RASSF3: variants seen among roughly 807,000 people sequenced by gnomAD.
RASSF3 encodes Ras association domain family member 3, also known as ras association domain-containing protein 3.
Under a neutral mutation model 19.9 loss-of-function variants are expected in RASSF3, and 19 were observed. The ratio of observed to expected loss-of-function variants is 0.96; its 90% confidence interval spans 0.67 to 1.40. The LOEUF is 1.40. Ranked by LOEUF, RASSF3 falls within the 40% of genes most tolerant of loss-of-function variation. The probability of loss-of-function intolerance (pLI) is 0.00; values close to 1 mark genes in which losing one functional copy is unlikely to be tolerated. For missense variants in RASSF3, 306 were observed against 289.8 expected (o/e 1.06, Z -0.41); for synonymous variants, 110 against 104.2 (o/e 1.06, Z -0.34).
At chr12:64,682,459 C>T (rs901769983) in intron 1 of RASSF3, among the ~76,000 whole-genome samples, 1 of 151,280 alleles carries the variant, frequency 6.6e-6, no homozygotes, top group East Asian at 2.0e-4. Flanking sequence ...CCCAGCTACT[C>T]GGGAGGCTGA....
intron 1 of RASSF3, among the ~76,000 whole-genome samples, chr12:64,638,132 G>C (rs1871386483): frequency 6.6e-6 from 1 of 152,014 alleles, no homozygotes. Context: ...CCCCGGCCTA[G>C]TTATCATATA....
chr12:64,549,316 T>C (rs967112501), intron 2 of RASSF3, among the ~76,000 whole-genome samples: 2 of 152,126 alleles, frequency 1.3e-5, no homozygotes, highest in African/African-American at 2.4e-5. Context: ...CTGGACAACA[T>C]AGTGAGACCC....
intron 3 of RASSF3, among the ~76,000 whole-genome samples, chr12:64,689,979 C>T (rs138572504): frequency 0.01 from 1,529 of 151,058 alleles, 38 homozygotes; most frequent in African/African-American, 0.035. Context: ...TTAGTAGAGA[C>T]GGGATTTCAC....
At chr12:64,514,672 C>T (rs913553952) in intron 1 of RASSF3, among the ~76,000 whole-genome samples, 1 of 152,088 alleles carries the variant, frequency 6.6e-6, no homozygotes, top group African/African-American at 2.4e-5. Context: ...TTTTTTGTGT[C>T]AGAGTGACTT....
chr12:64,529,172 C>T (rs1382759748), upstream of RASSF3, among the ~76,000 whole-genome samples: 1 of 152,148 alleles, frequency 6.6e-6, no homozygotes, highest in African/African-American at 2.4e-5. Flanking sequence ...ATACTTAGAC[C>T]TTAAATGTCT....
At chr12:64,661,633 C>T (rs1187850244) in intron 1 of RASSF3, among the ~76,000 whole-genome samples, 2 of 151,162 alleles carry the variant, frequency 1.3e-5, no homozygotes, top group African/African-American at 2.4e-5. Context: ...TGTTTAAGTG[C>T]AGCCTGGGTA....
At chr12:64,529,710 T>C (rs1868664943), upstream of RASSF3, among the ~76,000 whole-genome samples, 1 of 152,230 alleles carries the variant, frequency 6.6e-6, no homozygotes, top group Non-Finnish European at 1.5e-5. Context: ...AATTCCCTTA[T>C]TGGCCTATCT....
chr12:64,657,774 T>G (rs543963063), intron 1 of RASSF3, among the ~76,000 whole-genome samples: 1 of 152,358 alleles, frequency 6.6e-6, no homozygotes, highest in East Asian at 1.9e-4. Flanking sequence ...TACATTTGCT[T>G]GAAAAATATT....
intron 1 of RASSF3, among the ~76,000 whole-genome samples, chr12:64,520,284 T>C (rs1868444247): frequency 6.6e-6 from 1 of 151,280 alleles, no homozygotes; most frequent in South Asian, 2.1e-4. Flanking sequence ...TTCTTCTGCC[T>C]CCCAAGTAGC....
At chr12:64,531,795 C>T (rs1294258831), upstream of RASSF3, among the ~76,000 whole-genome samples, 4 of 152,112 alleles carry the variant, frequency 2.6e-5, no homozygotes, top group African/African-American at 9.7e-5. Flanking sequence ...CTAGGAACGC[C>T]CCTTTGTTTT....
intron 1 of RASSF3, among the ~76,000 whole-genome samples, chr12:64,669,456 T>C (rs748802986): frequency 7.2e-5 from 11 of 152,146 alleles, no homozygotes; most frequent in Non-Finnish European, 1.6e-4. Context: ...TTTAAGACTG[T>C]GTTGACTCTT....
In RASSF3 at chr12:64,692,466, T is replaced by C. The variant is rs1022949866; in HGVS notation, c.567+887T>C. Among the ~76,000 whole-genome samples the C allele has an allele frequency of 7.2e-5, 11 of 152,108 alleles. 1 individual carries two copies. The highest frequency in any genetic ancestry group is 2.7e-4 in the African/African-American group (11 of 41,414). ...ACAATTAGAAATGTATACATGTAAG[T>C]GAAGGGAGTTTTAGGAAGACAGTGG... On this transcript the variant is annotated intron_variant, in intron 4 of 4. Coordinates refer to ENST00000542104, the MANE Select transcript of RASSF3 (RefSeq NM_178169.4).
upstream of RASSF3, among the ~76,000 whole-genome samples, chr12:64,607,898 A>G (rs927577992): frequency 1.3e-5 from 2 of 151,982 alleles, no homozygotes; most frequent in Non-Finnish European, 2.9e-5. Context: ...TGGGACCACT[A>G]GCATGTGACA....
At chr12:64,663,403 A>G (rs986742742) in intron 1 of RASSF3, among the ~76,000 whole-genome samples, 1 of 152,216 alleles carries the variant, frequency 6.6e-6, no homozygotes, top group African/African-American at 2.4e-5. Context: ...CAAAAAAAGA[A>G]TATAATGATT....
At chr12:64,678,657 A>AAAAAAG (rs1555216120) in intron 1 of RASSF3, among the ~76,000 whole-genome samples, 1 of 147,492 alleles carries the variant, frequency 6.8e-6, no homozygotes, top group African/African-American at 2.6e-5. Flanking sequence ...CCAAAAAAAA[A>AAAAAAG]AAAAAAAACC....
chr12:64,682,304 G>A (rs1012706659), intron 1 of RASSF3, among the ~76,000 whole-genome samples: 10 of 152,188 alleles, frequency 6.6e-5, no homozygotes, highest in Non-Finnish European at 1.3e-4. Flanking sequence ...GAGATAGGTG[G>A]CTCACGCCTG....
At chr12:64,605,803 G>A (rs367675877), upstream of RASSF3, among the ~76,000 whole-genome samples, 5 of 150,190 alleles carry the variant, frequency 3.3e-5, no homozygotes, top group African/African-American at 9.8e-5. Context: ...CAGGAGAATC[G>A]CTTGAACCCG....
chr12:64,691,414 A>C, intron 3 of RASSF3, 56 bp from the exon 4 acceptor site: 1 of 1,153,022 alleles, frequency 8.7e-7, no homozygotes, highest in Admixed American at 1.7e-5. Context: ...ACAATGGGGA[A>C]GTGGTCTCAG....
At chr12:64,541,553 T>A (rs1868934108) in intron 1 of RASSF3, 1 of 398,422 alleles carries the variant, frequency 2.5e-6, no homozygotes. Flanking sequence ...CAGACCTAAC[T>A]GGGAACCTAA....
Sources: allele counts gnomAD v4.1 joint callset (sites outside exome capture counted in the v4.1 genomes callset), GRCh38; gene constraint gnomAD v4.1.1; transcripts MANE v1.5; gene names NCBI Gene and HGNC (gene_info 2026-07-23, HGNC 2026-07-21).